The following CACNB2 variants were observed in gnomAD, a reference collection of about 807,000 sequenced individuals.
CACNB2 encodes calcium voltage-gated channel auxiliary subunit beta 2.
CACNB2 carries 42 observed loss-of-function variants against 73.3 expected under a neutral mutation model. The observed-to-expected ratio is 0.57, with a 90% CI of 0.45 to 0.74. CACNB2 has a LOEUF of 0.74. CACNB2 is among the 30% of genes least tolerant of loss of function. The pLI, the probability that CACNB2 is intolerant of heterozygous loss-of-function variation, is 0.00. For synonymous variants in CACNB2, 348 were observed against 310.3 expected (o/e 1.12, Z -1.28); for missense variants, 940 against 853.0 (o/e 1.10, Z -1.27).
chr10:18,414,512 A>G (rs1297941368), intron 3 of CACNB2, among the ~76,000 whole-genome samples: 1 of 137,366 alleles, frequency 7.3e-6, no homozygotes, highest in Non-Finnish European at 1.5e-5. Flanking sequence ...TTTTGGAGAC[A>G]GAATCTCTGT....
chr10:18,343,316 T>A (rs1300915254), intron 2 of CACNB2, among the ~76,000 whole-genome samples: 3 of 152,302 alleles, frequency 2.0e-5, no homozygotes, highest in African/African-American at 4.8e-5. Flanking sequence ...CAGGTTTTTT[T>A]TTATTATTAT....
chr10:18,391,830 A>C (rs954570041), intron 2 of CACNB2, among the ~76,000 whole-genome samples: 1 of 149,142 alleles, frequency 6.7e-6, no homozygotes, highest in Non-Finnish European at 1.5e-5. Flanking sequence ...CAGGAGGCTG[A>C]AGTGGGTGGA....
rs545584190 is a variant in CACNB2 at position 18,396,060 on chromosome 10, G to A, written c.214-5864G>A. Among the ~76,000 whole-genome samples the A allele has an allele frequency of 1.5e-4, 23 of 152,192 alleles. No homozygotes were observed. In the East Asian group the frequency reaches 3.9e-3, roughly 26 times the overall value. On this transcript the variant is annotated intron_variant, in intron 2 of 13. Transcript: ENST00000324631. ...CAGCCTCTGCCTCCTAGGTTCAAGCGATTCTCCTGCCTCAGCCTCCCGAGT... is the reference window on the plus strand; with the variant it reads ...CAGCCTCTGCCTCCTAGGTTCAAGCAATTCTCCTGCCTCAGCCTCCCGAGT...
intron 2 of CACNB2, among the ~76,000 whole-genome samples, chr10:18,217,206 G>A (rs181281402): frequency 1.3e-5 from 2 of 152,238 alleles, no homozygotes; most frequent in East Asian, 3.9e-4. Context: ...TAAGTCGGCT[G>A]TGCAAGCTGG....
chr10:18,223,106 C>G (rs1277274145), intron 2 of CACNB2, among the ~76,000 whole-genome samples: 2 of 152,130 alleles, frequency 1.3e-5, no homozygotes, highest in East Asian at 3.9e-4. Context: ...TATTTATGGG[C>G]ATGACACACA....
At chr10:18,274,602 T>C (rs1284818253) in intron 2 of CACNB2, among the ~76,000 whole-genome samples, 3 of 152,114 alleles carry the variant, frequency 2.0e-5, no homozygotes, top group Admixed American at 2.0e-4. Flanking sequence ...AAAAGAGAAA[T>C]CCACAATTTT....
intron 2 of CACNB2, among the ~76,000 whole-genome samples, chr10:18,278,963 G>A (rs1272414206): frequency 6.6e-6 from 1 of 152,140 alleles, no homozygotes; most frequent in African/African-American, 2.4e-5. Flanking sequence ...GCTGCAGTGA[G>A]CCATGATCAT....
chr10:18,519,434 T>G (rs77004774), intron 9 of CACNB2, among the ~76,000 whole-genome samples: 7,380 of 152,286 alleles, frequency 0.048, 273 homozygotes, highest in Non-Finnish European at 0.077. Context: ...TCCAGGCATT[T>G]CTACAACCCC....
intron 2 of CACNB2, among the ~76,000 whole-genome samples, chr10:18,248,110 A>T (rs2036938650): frequency 6.6e-6 from 1 of 152,240 alleles, no homozygotes; most frequent in Admixed American, 6.5e-5. Flanking sequence ...TTCAGACCAC[A>T]GTACCTACCA....
At chr10:18,489,525 C>T (rs1459603599) in intron 3 of CACNB2, among the ~76,000 whole-genome samples, 1 of 151,356 alleles carries the variant, frequency 6.6e-6, no homozygotes, top group Non-Finnish European at 1.5e-5. Context: ...ATCCTGTTGC[C>T]TCAGCCTCCT....
At chr10:18,295,916 C>T (rs1040107006) in intron 2 of CACNB2, among the ~76,000 whole-genome samples, 1 of 151,694 alleles carries the variant, frequency 6.6e-6, no homozygotes, top group Admixed American at 6.6e-5. Context: ...GACAGAAGTC[C>T]ATCACCTTTC....
intron 3 of CACNB2, among the ~76,000 whole-genome samples, chr10:18,455,240 A>T (rs2047220293): frequency 6.6e-6 from 1 of 152,194 alleles, no homozygotes; most frequent in South Asian, 2.1e-4. Flanking sequence ...GGAAAGGAAC[A>T]TGTGGGGGCT....
chr10:18,223,496 G>A (rs538439785), intron 2 of CACNB2, among the ~76,000 whole-genome samples: 145 of 152,116 alleles, frequency 9.5e-4, no homozygotes, highest in African/African-American at 3.3e-3. Flanking sequence ...TATTTTACAC[G>A]ATTTTCAGGA....
chr10:18,395,477 T>C (rs1332725283), intron 2 of CACNB2, among the ~76,000 whole-genome samples: 2 of 152,216 alleles, frequency 1.3e-5, no homozygotes, highest in Admixed American at 6.5e-5. Context: ...CACTGAGATA[T>C]TAAGTTTCAT....
At chr10:18,158,051 AT>A (rs1166118075) in intron 2 of CACNB2, among the ~76,000 whole-genome samples, 1 of 152,092 alleles carries the variant, frequency 6.6e-6, no homozygotes, top group Non-Finnish European at 1.5e-5. Flanking sequence ...AGGAGCATTT[AT>A]TTTTTTCCTT....
At chr10:18,148,787 G>A (rs1023596156) in intron 1 of CACNB2, among the ~76,000 whole-genome samples, 1 of 152,074 alleles carries the variant, frequency 6.6e-6, no homozygotes, top group African/African-American at 2.4e-5. Context: ...TTAAAGTCAT[G>A]AGTTCAAGAC....
chr10:18,224,571 T>C (rs1250392669), intron 2 of CACNB2, among the ~76,000 whole-genome samples: 3 of 152,198 alleles, frequency 2.0e-5, no homozygotes, highest in Admixed American at 2.0e-4. Context: ...CCCAAGTTAG[T>C]TAGCAACTTG....
At chr10:18,462,948 G>A (rs533607820) in intron 3 of CACNB2, among the ~76,000 whole-genome samples, 4 of 151,974 alleles carry the variant, frequency 2.6e-5, no homozygotes, top group South Asian at 4.2e-4. Context: ...TAGTAGAGAC[G>A]GGGTTTCACC....
At chr10:18,259,570 A>AAAAAAAAAATAAAAC (rs1554779378) in intron 2 of CACNB2, among the ~76,000 whole-genome samples, 1 of 116,954 alleles carries the variant, frequency 8.6e-6, no homozygotes, top group Admixed American at 8.7e-5. Context: ...CAAACAAAAA[A>AAAAAAAAAATAAAAC]AAAAAGTAAA....
Sources: allele counts gnomAD v4.1 joint callset (sites outside exome capture counted in the v4.1 genomes callset), GRCh38; gene constraint gnomAD v4.1.1; transcripts MANE v1.5; gene names NCBI Gene and HGNC (gene_info 2026-07-23, HGNC 2026-07-21).